Variants in TCERG1L observed in about 807,000 individuals in gnomAD.
TCERG1L encodes the protein transcription elongation regulator 1-like protein.
TCERG1L carries 37 observed loss-of-function variants against 56.3 expected under a neutral mutation model. The observed-to-expected ratio is 0.66, with a 90% CI of 0.51 to 0.87. TCERG1L has a LOEUF of 0.87. TCERG1L is among the 40% of genes least tolerant of loss of function. The probability of loss-of-function intolerance (pLI) is 0.00; values close to 1 mark genes in which losing one functional copy is unlikely to be tolerated. For missense variants in TCERG1L, 799 were observed against 774.2 expected (o/e 1.03, Z -0.38); for synonymous variants, 324 against 326.3 (o/e 0.99, Z 0.08).
At chr10:131,100,236 A>G (rs183546162) in intron 10 of TCERG1L, among the ~76,000 whole-genome samples, 149 of 152,328 alleles carry the variant, frequency 9.8e-4, no homozygotes, top group African/African-American at 3.5e-3. Flanking sequence ...TTTAACTAAT[A>G]AAAAATTAAT....
At chr10:131,298,712 C>G (rs1353576179) in intron 3 of TCERG1L, among the ~76,000 whole-genome samples, 1 of 152,220 alleles carries the variant, frequency 6.6e-6, no homozygotes, top group African/African-American at 2.4e-5. Flanking sequence ...CGGCGTCCAG[C>G]CCTACTTTTA....
rs762734378 is a variant in TCERG1L at position 131,260,243 on chromosome 10, G to A, written c.856+16C>T. The A allele has an allele frequency of 3.6e-5, 49 of 1,348,076 alleles. No homozygotes were observed. The highest frequency in any genetic ancestry group is 4.3e-5 in the Non-Finnish European group (45 of 1,044,544). The allele number at this position is 1,348,076 out of a possible 1,614,324, so 83.5% of individuals were successfully genotyped here. On this transcript the variant is annotated intron_variant, in intron 4 of 11. Transcript: ENST00000368642. This position sits in a 1 kb window ranked among gnomAD's most constrained non-coding sequence, Gnocchi z 5.8. Reference sequence around the variant, plus strand: ...CTAAGGCAGCACCAGGCGTCGGGACGGCGCTCCGAGCCTACCTGAGACGGG... The same window carrying A: ...CTAAGGCAGCACCAGGCGTCGGGACAGCGCTCCGAGCCTACCTGAGACGGG...
At chr10:131,288,894 T>A (rs1846576188) in intron 3 of TCERG1L, among the ~76,000 whole-genome samples, 1 of 152,180 alleles carries the variant, frequency 6.6e-6, no homozygotes, top group Non-Finnish European at 1.5e-5. Flanking sequence ...AACCTGGGAC[T>A]CAGACATTTC....
chr10:131,268,802 C>A (rs190360695), intron 3 of TCERG1L, among the ~76,000 whole-genome samples: 2 of 152,232 alleles, frequency 1.3e-5, no homozygotes, highest in African/African-American at 2.4e-5. Context: ...CCTCTCTCAG[C>A]CTTCACAGAG....
At chr10:131,137,098 C>T (rs1295007665) in intron 7 of TCERG1L, among the ~76,000 whole-genome samples, 1 of 152,000 alleles carries the variant, frequency 6.6e-6, no homozygotes. Context: ...CGCGATTGTG[C>T]CACTGCACTC....
At chr10:131,188,713 T>C (rs1845273421) in intron 4 of TCERG1L, among the ~76,000 whole-genome samples, 1 of 152,224 alleles carries the variant, frequency 6.6e-6, no homozygotes, top group African/African-American at 2.4e-5. Flanking sequence ...TGCACTTTTC[T>C]TTTAAAACCA....
chr10:131,194,040 C>A (rs1305922375), intron 4 of TCERG1L, among the ~76,000 whole-genome samples: 1 of 152,202 alleles, frequency 6.6e-6, no homozygotes, highest in Non-Finnish European at 1.5e-5. Flanking sequence ...ACGCACTGTG[C>A]TGATTAATAG....
At chr10:131,258,659 C>T (rs184981125) in intron 4 of TCERG1L, among the ~76,000 whole-genome samples, 430 of 152,358 alleles carry the variant, frequency 2.8e-3, no homozygotes, top group Non-Finnish European at 4.7e-3. Flanking sequence ...TTCTGAGTAA[C>T]GCCCCTTTCA....
intron 4 of TCERG1L, among the ~76,000 whole-genome samples, chr10:131,195,217 G>C (rs1035195640): frequency 5.3e-5 from 8 of 152,220 alleles, no homozygotes; most frequent in Non-Finnish European, 8.8e-5. Context: ...CATCCAGGAA[G>C]CTGAAACCGT....
At chr10:131,171,931 C>A (rs1846097402) in intron 4 of TCERG1L, among the ~76,000 whole-genome samples, 1 of 152,326 alleles carries the variant, frequency 6.6e-6, no homozygotes, top group South Asian at 2.1e-4. Context: ...AAATAAAGAA[C>A]TACTCTAGGA....
In TCERG1L at chr10:131,093,036, A is replaced by G. The variant is rs1404145612; in HGVS notation, c.*126T>C. ...AATCCTCTGAGAACGAAGACCCCGC[A>G]GTGCCGGTGCCCGCTGGGCCGTGCA... On this transcript the variant is annotated 3_prime_UTR_variant, in exon 12 of 12. Coordinates refer to ENST00000368642, the MANE Select transcript of TCERG1L (RefSeq NM_174937.4). 1.1e-6 allele frequency: 1 copy of G among 901,650 alleles called. No individual in the cohort carries two copies. The allele number at this position is 901,650 out of a possible 1,614,324, so 55.9% of individuals were successfully genotyped here. A position where few individuals can be genotyped will look rare whatever the true frequency, so the allele number is the denominator to read the frequency against.
At chr10:131,234,358 C>A (rs1411906580) in intron 4 of TCERG1L, among the ~76,000 whole-genome samples, 1 of 152,168 alleles carries the variant, frequency 6.6e-6, no homozygotes, top group African/African-American at 2.4e-5. Context: ...ATTGCTATTA[C>A]AAATAATATT....
chr10:131,188,426 C>A (rs1845269333), intron 4 of TCERG1L, among the ~76,000 whole-genome samples: 3 of 152,156 alleles, frequency 2.0e-5, no homozygotes, highest in South Asian at 2.1e-4. Flanking sequence ...ACTGTATAGA[C>A]CACAGTCTGA....
At chr10:131,277,925 G>T (rs1846410007) in intron 3 of TCERG1L, among the ~76,000 whole-genome samples, 1 of 152,170 alleles carries the variant, frequency 6.6e-6, no homozygotes, top group Admixed American at 6.5e-5. Flanking sequence ...GGTGACCAGA[G>T]CAGGGGGCTC....
intron 6 of TCERG1L, among the ~76,000 whole-genome samples, chr10:131,151,718 C>T (rs550095576): frequency 6.6e-6 from 1 of 152,308 alleles, no homozygotes; most frequent in East Asian, 1.9e-4. Context: ...TGTGTGGGGG[C>T]TCTGACCCCA....
At chr10:131,291,496 G>A (rs537854843) in intron 3 of TCERG1L, among the ~76,000 whole-genome samples, 3 of 122,960 alleles carry the variant, frequency 2.4e-5, no homozygotes, top group South Asian at 2.7e-4. Flanking sequence ...GCGTGATCTC[G>A]GCTCACTGCA....
At chr10:131,136,589 G>A (rs545343400) in intron 7 of TCERG1L, among the ~76,000 whole-genome samples, 20 of 152,094 alleles carry the variant, frequency 1.3e-4, no homozygotes, top group African/African-American at 3.6e-4. Flanking sequence ...TCCACTTTCC[G>A]GGCTCAAGCA....
intron 4 of TCERG1L, among the ~76,000 whole-genome samples, chr10:131,204,455 G>C (rs1339628632): frequency 6.6e-6 from 1 of 152,038 alleles, no homozygotes; most frequent in East Asian, 1.9e-4. Flanking sequence ...TGAAAATGGG[G>C]ATGAGGATGA....
At chr10:131,227,814 T>C (rs1367041562) in intron 4 of TCERG1L, among the ~76,000 whole-genome samples, 1 of 151,546 alleles carries the variant, frequency 6.6e-6, no homozygotes. Flanking sequence ...TCTTTCTCAT[T>C]TTTTAAACAG....
Sources: allele counts gnomAD v4.1 joint callset (sites outside exome capture counted in the v4.1 genomes callset), GRCh38; gene constraint gnomAD v4.1.1; non-coding constraint Gnocchi (gnomAD v3.1); transcripts MANE v1.5; gene names NCBI Gene and HGNC (gene_info 2026-07-23, HGNC 2026-07-21).